F8: variants seen among roughly 807,000 people sequenced by gnomAD.
The protein encoded by F8 is coagulation factor VIII, also known as antihemophilic factor.
Under a neutral mutation model 140.6 loss-of-function variants are expected in F8, and 12 were observed. That is an observed-to-expected ratio of 0.09 (90% CI 0.05 to 0.14). The LOEUF is 0.14. Ranked by LOEUF, F8 falls within the 10% of genes least tolerant of loss-of-function variation. The pLI is 1.00. For synonymous variants in F8, 585 were observed against 614.6 expected (o/e 0.95, Z 0.71); for missense variants, 1,354 against 1,720.7 (o/e 0.79, Z 3.77).
In F8 at chrX:154,930,510, C is replaced by G. The variant is rs377119670; in HGVS notation, c.3280G>C (p.Glu1094Gln). 48 of 1,208,956 alleles carry G rather than the reference C, an allele frequency of 4.0e-5. No individual in the cohort carries two copies. Among genetic ancestry groups the G allele is most frequent in the Non-Finnish European group, 5.1e-5 (46 of 894,215 alleles). ...SNKTTSSKNM[E>Q]MVQQKKEGPI... ...CCCTCTTTTTTCTGTTGGACCATTTCCATGTTTTTTGATGAAGTAGTTTTA... is the reference window on the plus strand; with the variant it reads ...CCCTCTTTTTTCTGTTGGACCATTTGCATGTTTTTTGATGAAGTAGTTTTA... The change falls in exon 14 of 26, where the codon GAA (glutamate) becomes CAA (glutamine). Residue 1094 changes from glutamate to glutamine, a missense_variant. Coordinates refer to ENST00000360256, the MANE Select transcript of F8 (RefSeq NM_000132.4).
At chrX:154,908,787 C>T (rs113792263) in intron 14 of F8, 3,283 of 112,784 alleles carry the variant, frequency 0.029, 49 homozygotes, top group African/African-American at 0.052. Flanking sequence ...CTGGTCAGGA[C>T]TCTCCTAGAA....
chrX:154,842,712 T>TTTATTTGTAGC (rs1156877165), intron 25 of F8, among the ~76,000 whole-genome samples: 3 of 112,459 alleles, frequency 2.7e-5, no homozygotes, highest in Non-Finnish European at 3.8e-5. Context: ...TTGAGACTAC[T>TTTATTTGTAGC]TTATTTGTAG....
intron 22 of F8, among the ~76,000 whole-genome samples, chrX:154,866,699 T>C (rs782460064): frequency 5.4e-5 from 6 of 110,227 alleles, no homozygotes; most frequent in Non-Finnish European, 1.1e-4. Flanking sequence ...AGTAAAAGCA[T>C]ACTAATAGGG....
chrX:154,846,151 T>C (rs1478795397), intron 25 of F8, among the ~76,000 whole-genome samples: 5 of 112,408 alleles, frequency 4.4e-5, no homozygotes, highest in Non-Finnish European at 9.4e-5. Flanking sequence ...CACTGTGGCC[T>C]GAGAGACAGT....
rs2073636066 is a variant in F8 at position 154,999,564 on chromosome X, G to A, written c.180C>T (p.Asn60=). 4 of 1,208,552 alleles carry A rather than the reference G, an allele frequency of 3.3e-6. No individual in the cohort carries two copies. The highest frequency in any genetic ancestry group is 4.5e-6 in the Non-Finnish European group (4 of 893,186). The part of the protein sequence containing the change: ...PPRVPKSFPF[N]TSVVYKKTLF... The stretch of plus-strand genomic sequence containing the variant: ...GAGTCTTTTTGTACACGACTGAGGT[G>A]TTGAATGGAAAAGATTTTGGCACTC... The change falls in exon 2 of 26, where the codon AAC becomes AAT. Residue 60 remains asparagine (N), a synonymous_variant. Transcript: ENST00000360256.
intron 25 of F8, among the ~76,000 whole-genome samples, chrX:154,847,875 T>A (rs1311326055): frequency 8.8e-6 from 1 of 113,124 alleles, no homozygotes; most frequent in Non-Finnish European, 1.9e-5. Flanking sequence ...ATTTTTAGAA[T>A]TTTCAGCTTT....
At chrX:154,853,157 G>A (rs782297111) in intron 25 of F8, among the ~76,000 whole-genome samples, 6 of 110,506 alleles carry the variant, frequency 5.4e-5, no homozygotes, top group South Asian at 3.7e-4. Flanking sequence ...CACCTCCTTC[G>A]TTAAATTTAT....
chrX:154,873,195 A>T (rs1457942011), intron 22 of F8, among the ~76,000 whole-genome samples: 1 of 110,601 alleles, frequency 9.0e-6, no homozygotes, highest in African/African-American at 3.3e-5. Flanking sequence ...AATTAATATG[A>T]AATCACAAAA....
chrX:154,998,194 A>T (rs2073627706), intron 2 of F8, among the ~76,000 whole-genome samples: 1 of 112,912 alleles, frequency 8.9e-6, no homozygotes. Flanking sequence ...AGTCCAGTCT[A>T]ATACCAAATT....
intron 1 of F8, among the ~76,000 whole-genome samples, chrX:155,018,244 C>A (rs1466318530): frequency 8.9e-6 from 1 of 111,804 alleles, no homozygotes; most frequent in Non-Finnish European, 1.9e-5. Flanking sequence ...GAAATCAGAT[C>A]ATGTTGAGAG....
chrX:155,022,185 G>C (rs2073763218), intron 1 of F8, among the ~76,000 whole-genome samples: 2 of 111,789 alleles, frequency 1.8e-5, no homozygotes, highest in Admixed American at 1.9e-4. Context: ...AGAAGCAATG[G>C]ACAAAACAGA....
At chrX:154,893,219 C>T (rs933009869) in intron 22 of F8, among the ~76,000 whole-genome samples, 4 of 112,248 alleles carry the variant, frequency 3.6e-5, no homozygotes, top group African/African-American at 6.5e-5. Flanking sequence ...CTATTGATTT[C>T]GGTCTTATGT....
At chrX:154,988,823 C>T (rs1476240605) in intron 4 of F8, among the ~76,000 whole-genome samples, 1 of 111,730 alleles carries the variant, frequency 9.0e-6, no homozygotes, top group Non-Finnish European at 1.9e-5. Flanking sequence ...CTGTGCTCAG[C>T]TCTCTTTCAA....
chrX:154,999,378 T>A, intron 2 of F8, 101 bp downstream of exon 2: 1 of 910,254 alleles, frequency 1.1e-6, no homozygotes, highest in East Asian at 3.5e-5. Context: ...ACATTCTCTT[T>A]GGCAGCTGCA....
At chrX:154,852,853 GAC>G (rs1454911102) in intron 25 of F8, among the ~76,000 whole-genome samples, 1 of 111,362 alleles carries the variant, frequency 9.0e-6, no homozygotes, top group Non-Finnish European at 1.9e-5. Flanking sequence ...CAGCCTGAGC[GAC>G]AGAGTGAGAC....
intron 12 of F8, 80 bp from the exon 13 acceptor site, chrX:154,947,987 G>A (rs1197955134): frequency 1.3e-6 from 1 of 766,872 alleles, no homozygotes; most frequent in Admixed American, 2.4e-5. Context: ...GATACAATTA[G>A]GAATTATTAT....
intron 12 of F8, among the ~76,000 whole-genome samples, chrX:154,950,776 A>AT (rs2073333701): frequency 8.9e-6 from 1 of 111,996 alleles, no homozygotes; most frequent in Non-Finnish European, 1.9e-5. Flanking sequence ...AGTACTCGGA[A>AT]TATATCATCC....
chrX:155,004,423 G>A (rs782130752), intron 1 of F8, among the ~76,000 whole-genome samples: 2 of 112,076 alleles, frequency 1.8e-5, no homozygotes, highest in South Asian at 7.5e-4. Context: ...CACAGAAACA[G>A]CACTAAACAA....
At chrX:154,851,266 C>A (rs911661779) in intron 25 of F8, among the ~76,000 whole-genome samples, 17 of 112,462 alleles carry the variant, frequency 1.5e-4, no homozygotes, top group African/African-American at 5.5e-4. Context: ...TATGGATAGA[C>A]CACATTTTGT....
Sources: allele counts gnomAD v4.1 joint callset (sites outside exome capture counted in the v4.1 genomes callset), GRCh38; gene constraint gnomAD v4.1.1; transcripts MANE v1.5; gene names NCBI Gene and HGNC (gene_info 2026-07-23, HGNC 2026-07-21).